TNIP3: variants seen among roughly 807,000 people sequenced by gnomAD.
TNIP3 encodes TNFAIP3 interacting protein 3.
TNIP3 carries 34 observed loss-of-function variants against 54.1 expected under a neutral mutation model. The ratio of observed to expected loss-of-function variants is 0.63; its 90% CI spans 0.48 to 0.84. TNIP3 has a LOEUF of 0.84. Among genes scored for constraint, TNIP3 ranks in the 40% least tolerant of loss-of-function variants. TNIP3 has a pLI of 0.00. For missense variants in TNIP3, 366 were observed against 387.6 expected (o/e 0.94, Z 0.47); for synonymous variants, 134 against 136.8 (o/e 0.98, Z 0.14).
chr4:121,172,086 G>A (rs1303531580), intron 3 of TNIP3, among the ~76,000 whole-genome samples: 13 of 152,110 alleles, frequency 8.5e-5, no homozygotes. Flanking sequence ...TGCTTACATT[G>A]AACATCAAAG....
chr4:121,159,504 G>T lies in TNIP3; in HGVS notation c.148-752C>A, dbSNP rs572696331. 2.8e-4 allele frequency among the ~76,000 whole-genome samples: 42 copies of T among 152,232 alleles called. 1 individual carries two copies. The highest frequency in any genetic ancestry group is 9.6e-4 in the African/African-American group (40 of 41,564). ...TCTTTGTGCTTACACTGATTATAAT[G>T]AAATATTTTTTCCAGCTCTTTTAAA... On this transcript the variant is annotated intron_variant, in intron 2 of 10. Transcript: ENST00000057513.
intron 2 of TNIP3, among the ~76,000 whole-genome samples, chr4:121,187,849 A>G (rs1725103283): frequency 6.6e-6 from 1 of 152,216 alleles, no homozygotes; most frequent in Non-Finnish European, 1.5e-5. Context: ...TGGACCTCTC[A>G]AAAGCTTAAA....
At chr4:121,209,014 T>C (rs533828615) in intron 2 of TNIP3, among the ~76,000 whole-genome samples, 56 of 152,324 alleles carry the variant, frequency 3.7e-4, no homozygotes, top group African/African-American at 9.9e-4. Context: ...CATTGGGATG[T>C]AAATACTCTT....
At chr4:121,165,841 C>A (rs1007772324), upstream of TNIP3, among the ~76,000 whole-genome samples, 2 of 152,160 alleles carry the variant, frequency 1.3e-5, no homozygotes, top group African/African-American at 4.8e-5. Context: ...CACATAAGAT[C>A]TGACTTTAGG....
At chr4:121,156,641 G>GT (rs1410178370) in intron 4 of TNIP3, among the ~76,000 whole-genome samples, 1 of 152,142 alleles carries the variant, frequency 6.6e-6, no homozygotes, top group East Asian at 1.9e-4. Context: ...GGTGACAGAA[G>GT]TAAGACCTCA....
At chr4:121,145,254 A>T (rs1446217536) in intron 7 of TNIP3, among the ~76,000 whole-genome samples, 1 of 152,180 alleles carries the variant, frequency 6.6e-6, no homozygotes, top group African/African-American at 2.4e-5. Context: ...CATCTATTAC[A>T]TCTCTGTGAA....
At chr4:121,149,145 A>C (rs987482349) in intron 6 of TNIP3, among the ~76,000 whole-genome samples, 1 of 152,244 alleles carries the variant, frequency 6.6e-6, no homozygotes, top group Non-Finnish European at 1.5e-5. Flanking sequence ...TAACCAATGC[A>C]GTATCTCCAC....
At chr4:121,182,800 C>T in intron 2 of TNIP3, 1 of 1,533,856 alleles carries the variant, frequency 6.5e-7, no homozygotes, top group Non-Finnish European at 8.7e-7. Flanking sequence ...TTCACATCTG[C>T]CCAGAAAGAC....
At chr4:121,136,682 C>T (rs1375089720) in intron 10 of TNIP3, 1 of 151,632 alleles carries the variant, frequency 6.6e-6, no homozygotes, top group East Asian at 1.9e-4. Flanking sequence ...GAGCAAGACA[C>T]CATCTGAACA....
At chr4:121,201,291 C>T (rs1306057964) in intron 2 of TNIP3, among the ~76,000 whole-genome samples, 2 of 152,118 alleles carry the variant, frequency 1.3e-5, no homozygotes, top group Admixed American at 1.3e-4. Flanking sequence ...ACCACAAGGA[C>T]GTTCTATGCA....
At position 121,132,427 on chromosome 4, in the gene TNIP3, A is replaced by T; in HGVS notation, c.*204T>A. 2.1e-6 allele frequency: 1 copy of T among 483,012 alleles called. No homozygotes were observed. The highest frequency in any genetic ancestry group is 3.7e-6 in the Non-Finnish European group (1 of 271,886). The allele number at this position is 483,012 out of a possible 1,614,324, so 29.9% of individuals were successfully genotyped here. ...ACTGGAAGTTGTATTTGGTTGTATA[A>T]TAACTGGCTCCTCCAATTTGATCAG... On this transcript the variant is annotated 3_prime_UTR_variant, in exon 11 of 11. Transcript: ENST00000057513.
In TNIP3 at chr4:121,159,259, AAAAAG is replaced by A. The variant is rs373510175; in HGVS notation, c.148-512_148-508del. ...CTCCATCTCATGGAAAGAAAAGAAA[AAAAAG>A]AAAAGAAAAGAAAAGAAAAACCAGT... On this transcript the variant is annotated intron_variant, in intron 2 of 10. Coordinates refer to ENST00000057513, the MANE Select transcript of TNIP3 (RefSeq NM_024873.6). Among the ~76,000 whole-genome samples the A allele has an allele frequency of 4.6e-5, 7 of 152,318 alleles. No homozygotes were observed. The South Asian group carries it at 1.2e-3, about 27-fold the overall frequency.
intron 2 of TNIP3, among the ~76,000 whole-genome samples, chr4:121,199,429 A>T (rs1473769833): frequency 6.6e-6 from 1 of 152,022 alleles, no homozygotes; most frequent in East Asian, 1.9e-4. Flanking sequence ...GCCCAGAAAT[A>T]CTCCTTTCTG....
chr4:121,188,769 G>A (rs1453822696), intron 2 of TNIP3, among the ~76,000 whole-genome samples: 1 of 152,164 alleles, frequency 6.6e-6, no homozygotes, highest in African/African-American at 2.4e-5. Flanking sequence ...GAAATGAGCT[G>A]TCTCATGTTT....
chr4:121,185,888 C>T (rs113894873), intron 2 of TNIP3, among the ~76,000 whole-genome samples: 4 of 152,174 alleles, frequency 2.6e-5, no homozygotes, highest in African/African-American at 7.2e-5. Context: ...TGACTTTTCA[C>T]AGAAATAATC....
chr4:121,189,070 C>T (rs766489219), intron 2 of TNIP3, among the ~76,000 whole-genome samples: 1 of 152,128 alleles, frequency 6.6e-6, no homozygotes, highest in Non-Finnish European at 1.5e-5. Context: ...AACACATAAC[C>T]ACAGTCTTAG....
intron 3 of TNIP3, among the ~76,000 whole-genome samples, chr4:121,178,435 A>G (rs1724485656): frequency 6.6e-6 from 1 of 152,234 alleles, no homozygotes; most frequent in Non-Finnish European, 1.5e-5. Flanking sequence ...AAGTCTCTTC[A>G]CCTCAGTCGC....
At chr4:121,225,637 C>T (rs1727225287) in intron 1 of TNIP3, among the ~76,000 whole-genome samples, 1 of 152,112 alleles carries the variant, frequency 6.6e-6, no homozygotes. Flanking sequence ...AGAAAAAGAG[C>T]TAAAGAGTAA....
chr4:121,172,516 C>A (rs1724028297), intron 3 of TNIP3, among the ~76,000 whole-genome samples: 2 of 152,192 alleles, frequency 1.3e-5, no homozygotes, highest in South Asian at 4.1e-4. Flanking sequence ...ACCCTGATGT[C>A]TCCACCCCAA....
Sources: allele counts gnomAD v4.1 joint callset (sites outside exome capture counted in the v4.1 genomes callset), GRCh38; gene constraint gnomAD v4.1.1; transcripts MANE v1.5; gene names NCBI Gene and HGNC (gene_info 2026-07-23, HGNC 2026-07-21).